Variants in ZFAND3 observed in about 807,000 individuals in gnomAD.
ZFAND3 encodes the protein zinc finger AN1-type containing 3.
ZFAND3 carries 10 observed loss-of-function variants against 29.6 expected under a neutral mutation model. That is an observed-to-expected ratio of 0.34 (90% CI 0.21 to 0.57). ZFAND3 has a LOEUF of 0.57. Among genes scored for constraint, ZFAND3 ranks in the 20% least tolerant of loss-of-function variants. The pLI is 0.86. For synonymous variants in ZFAND3, 128 were observed against 112.6 expected (o/e 1.14, Z -0.87); for missense variants, 230 against 304.5 (o/e 0.76, Z 1.82).
chr6:38,092,252 G>A (rs572048435), intron 4 of ZFAND3, among the ~76,000 whole-genome samples: 5 of 152,328 alleles, frequency 3.3e-5, no homozygotes, highest in African/African-American at 1.2e-4. Flanking sequence ...ACTGTGGTTA[G>A]GCAGCCAGTC....
rs547252025 is a variant in ZFAND3 at position 37,991,417 on chromosome 6, A to G, written c.112+61418A>G. Among the ~76,000 whole-genome samples, 13 of 151,832 alleles carry G rather than the reference A, an allele frequency of 8.6e-5. No homozygotes were observed. In the East Asian group the frequency reaches 2.1e-3, roughly 25 times the overall value. ...ACCCAGACTGGGGTGCAGTGGTGCA[A>G]TCTTGGCTCACTGCAACTTTTGCCC... On this transcript the variant is annotated intron_variant, in intron 2 of 5. Transcript: ENST00000287218.
At chr6:37,863,505 CAATA>C (rs1182311572) in intron 1 of ZFAND3, among the ~76,000 whole-genome samples, 2 of 152,042 alleles carry the variant, frequency 1.3e-5, no homozygotes, top group Non-Finnish European at 2.9e-5. Flanking sequence ...CTTCAAATGA[CAATA>C]AAGACACACC....
intron 1 of ZFAND3, among the ~76,000 whole-genome samples, chr6:37,917,951 A>G (rs1761289510): frequency 6.6e-6 from 1 of 152,136 alleles, no homozygotes; most frequent in South Asian, 2.1e-4. Flanking sequence ...TTTTTCTTAT[A>G]TGTGCATATT....
At chr6:38,088,985 C>T (rs947907345) in intron 4 of ZFAND3, among the ~76,000 whole-genome samples, 9 of 151,538 alleles carry the variant, frequency 5.9e-5, no homozygotes, top group Non-Finnish European at 5.9e-5. Context: ...CTCTCTCCCT[C>T]CCTCCCTATT....
chr6:37,900,322 T>C (rs1423118621), intron 1 of ZFAND3, among the ~76,000 whole-genome samples: 1 of 152,194 alleles, frequency 6.6e-6, no homozygotes, highest in Non-Finnish European at 1.5e-5. Flanking sequence ...TTCAGTACTC[T>C]TGAGAATTAG....
intron 5 of ZFAND3, among the ~76,000 whole-genome samples, chr6:38,126,589 T>C (rs1417950899): frequency 1.3e-5 from 2 of 152,248 alleles, no homozygotes; most frequent in South Asian, 2.1e-4. Context: ...TTAGGTATTC[T>C]AGTGGCTGTG....
chr6:38,130,979 C>G (rs912020023), intron 5 of ZFAND3, among the ~76,000 whole-genome samples: 13 of 152,124 alleles, frequency 8.5e-5, no homozygotes, highest in African/African-American at 3.1e-4. Context: ...GCATTTCAGT[C>G]TTACTGCTTG....
At chr6:37,829,620 A>C (rs899868858) in intron 1 of ZFAND3, among the ~76,000 whole-genome samples, 1 of 152,200 alleles carries the variant, frequency 6.6e-6, no homozygotes, top group Non-Finnish European at 1.5e-5. Flanking sequence ...AGAAACTTTT[A>C]ATTTTTTTTA....
At chr6:37,871,473 T>C (rs1764694161) in intron 1 of ZFAND3, among the ~76,000 whole-genome samples, 1 of 152,236 alleles carries the variant, frequency 6.6e-6, no homozygotes, top group Non-Finnish European at 1.5e-5. Flanking sequence ...ATGTAGCAAC[T>C]AAATGCAGTG....
Position 37,843,934 on chromosome 6 carries a change from G to C in ZFAND3, c.71+23918G>C, listed in dbSNP as rs780006486. ...TTTTTTCTATTGTTTTCTTTTTTTG[G>C]GGGGACAGAGTCTCACTTTGTTGCC... On this transcript the variant is annotated intron_variant, in intron 1 of 5. Transcript: ENST00000287218. Among the ~76,000 whole-genome samples, 30 of 151,444 alleles carry C rather than the reference G, an allele frequency of 2.0e-4. 1 individual carries two copies. Among genetic ancestry groups the C allele is most frequent in the Non-Finnish European group, 3.8e-4 (26 of 67,892 alleles).
rs1219823797 is a variant in ZFAND3, at chr6:37,964,525, G to A, written c.112+34526G>A. On this transcript the variant is annotated intron_variant, in intron 2 of 5. Transcript: ENST00000287218. Reference sequence around the variant, plus strand: ...GTCAGTGACTGCACAGCCCCTTAGAGACAGCCAGCCATCTTTGATTTCTGA... The same window carrying A: ...GTCAGTGACTGCACAGCCCCTTAGAAACAGCCAGCCATCTTTGATTTCTGA... 2.0e-5 allele frequency among the ~76,000 whole-genome samples: 3 copies of A among 152,210 alleles called. No homozygotes were observed. In the East Asian group the frequency reaches 5.8e-4, roughly 29 times the overall value.
At chr6:37,825,602 A>G (rs1282365738) in intron 1 of ZFAND3, among the ~76,000 whole-genome samples, 1 of 152,096 alleles carries the variant, frequency 6.6e-6, no homozygotes. Context: ...TCCAGTTAGC[A>G]TATGGCTCTT....
chr6:38,106,567 T>C (rs1765214029), intron 4 of ZFAND3, among the ~76,000 whole-genome samples: 1 of 152,240 alleles, frequency 6.6e-6, no homozygotes, highest in South Asian at 2.1e-4. Flanking sequence ...AGGAGATACC[T>C]TGTCTGACTT....
intron 1 of ZFAND3, among the ~76,000 whole-genome samples, chr6:37,925,398 G>A (rs868105017): frequency 6.6e-6 from 1 of 152,112 alleles, no homozygotes; most frequent in Non-Finnish European, 1.5e-5. Flanking sequence ...ACTACAGGAA[G>A]GACGGGAATC....
At chr6:37,860,782 G>A (rs997419350) in intron 1 of ZFAND3, among the ~76,000 whole-genome samples, 2 of 148,108 alleles carry the variant, frequency 1.4e-5, no homozygotes, top group East Asian at 2.0e-4. Flanking sequence ...TGTAATTTCT[G>A]TGCCTTTATT....
At chr6:38,045,093 T>TTGATTG (rs1561978667) in intron 2 of ZFAND3, among the ~76,000 whole-genome samples, 7 of 147,364 alleles carry the variant, frequency 4.8e-5, no homozygotes, top group African/African-American at 1.5e-4. Context: ...TTTATTTATT[T>TTGATTG]ATTTATTTAT....
At chr6:38,030,051 G>GATATATATATATATAT (rs58560520) in intron 2 of ZFAND3, among the ~76,000 whole-genome samples, 1 of 94,988 alleles carries the variant, frequency 1.1e-5, no homozygotes, top group Non-Finnish European at 2.0e-5. Context: ...AGTTCTGCTG[G>GATATATATATATATAT]ATATATATAT....
chr6:37,976,948 CATG>C (rs1410974739), intron 2 of ZFAND3, among the ~76,000 whole-genome samples: 1 of 152,130 alleles, frequency 6.6e-6, no homozygotes, highest in Non-Finnish European at 1.5e-5. Context: ...ACCAGACAAT[CATG>C]ATGTTTGTGA....
rs369121893 is a variant in ZFAND3 at position 38,043,889 on chromosome 6, C to CA, written c.113-17703dup. Among the ~76,000 whole-genome samples, 466 of 152,224 alleles carry CA rather than the reference C, an allele frequency of 3.1e-3. 2 individuals are homozygous for CA. Among genetic ancestry groups the CA allele is most frequent in the African/African-American group, 0.011 (443 of 41,526 alleles). On this transcript the variant is annotated intron_variant, in intron 2 of 5. Coordinates refer to ENST00000287218, the MANE Select transcript of ZFAND3 (RefSeq NM_021943.3). ...AACTCCTGGCCTCAGGTAGTCCTCC[C>CA]ACCTTGACCTCCCAAAGTGCTGGAA...
Sources: allele counts gnomAD v4.1 joint callset (sites outside exome capture counted in the v4.1 genomes callset), GRCh38; gene constraint gnomAD v4.1.1; transcripts MANE v1.5; gene names NCBI Gene and HGNC (gene_info 2026-07-23, HGNC 2026-07-21).